RGPD8: variants seen among roughly 807,000 people sequenced by gnomAD.
RGPD8 encodes RANBP2-like and GRIP domain-containing protein 8.
RGPD8 carries 15 observed loss-of-function variants against 89.1 expected under a neutral mutation model. The ratio of observed to expected loss-of-function variants is 0.17; its 90% CI spans 0.11 to 0.26. The LOEUF is 0.26. RGPD8 is among the 10% of genes least tolerant of loss of function. The pLI is 1.00. For missense variants in RGPD8, 178 were observed against 1,179.6 expected (o/e 0.15, Z 12.44); for synonymous variants, 62 against 420.9 (o/e 0.15, Z 10.44).
intron 1 of RGPD8, among the ~76,000 whole-genome samples, chr2:112,427,716 T>A (rs1679835257): frequency 6.6e-6 from 1 of 151,222 alleles, no homozygotes. Flanking sequence ...CAAATGAATC[T>A]CCCTCCCCCT....
At chr2:112,420,149 A>G (rs1475337103) in intron 4 of RGPD8, among the ~76,000 whole-genome samples, 10 of 137,852 alleles carry the variant, frequency 7.3e-5, no homozygotes, top group East Asian at 4.1e-4. Flanking sequence ...CAGCATGGGC[A>G]ACAGAGCAAG....
At chr2:112,370,887 C>G (rs1410448903) in intron 22 of RGPD8, among the ~76,000 whole-genome samples, 9 of 151,832 alleles carry the variant, frequency 5.9e-5, no homozygotes, top group Non-Finnish European at 1.3e-4. Flanking sequence ...ACAATCTTAC[C>G]AGCACATAAG....
At chr2:112,433,121 A>G (rs1233700219) in intron 1 of RGPD8, among the ~76,000 whole-genome samples, 3 of 90,060 alleles carry the variant, frequency 3.3e-5, no homozygotes, top group Non-Finnish European at 5.0e-5. Flanking sequence ...CCCCTGACCC[A>G]TCGAGGCCGC....
chr2:112,428,342 G>A (rs1679867580), intron 1 of RGPD8, among the ~76,000 whole-genome samples: 1 of 149,914 alleles, frequency 6.7e-6, no homozygotes, highest in African/African-American at 2.5e-5. Context: ...TACTCGGGAG[G>A]CTGAGGCAGG....
At position 112,433,443 on chromosome 2, in the gene RGPD8, C is replaced by G. The variant is rs1237246354; in HGVS notation, c.11G>C (p.Ser4Thr). MRR[S>T]KADVERYVAS... ...GACGTACCGCTCCACATCGGCCTTG[C>G]TGCGCCTCATCGCGCCGCCAACCTG... is the stretch of plus-strand genomic sequence containing the variant. The change falls in exon 1 of 23, where the codon AGC becomes ACC. Residue 4 changes from serine to threonine, a missense_variant. Coordinates refer to ENST00000302558, the MANE Select transcript of RGPD8 (RefSeq NM_001164463.1). 1 of 1,608,612 alleles carries G rather than the reference C, an allele frequency of 6.2e-7. No individual in the cohort carries two copies. Among genetic ancestry groups the G allele is most frequent in the Non-Finnish European group, 8.5e-7 (1 of 1,178,540 alleles).
chr2:112,371,181 T>A (rs1205309968), intron 22 of RGPD8, among the ~76,000 whole-genome samples: 3 of 133,050 alleles, frequency 2.3e-5, no homozygotes, highest in Admixed American at 7.9e-5. Flanking sequence ...TTAAAAATCA[T>A]GTTTATTGAG....
chr2:112,390,057 C>T lies in RGPD8; in HGVS notation c.2888G>A (p.Gly963Asp). Residue 963 changes from glycine (G) to aspartate (D), a missense_variant, in exon 20 of 23, where the codon GGC becomes GAC. Coordinates refer to ENST00000302558, the MANE Select transcript of RGPD8 (RefSeq NM_001164463.1). Reference protein sequence around the residue: ...GRKKGRGVIFGQTSSTFTFAD... With the variant: ...GRKKGRGVIFDQTSSTFTFAD... ...AAATGTAAAAGTGCTACTTGTTTGG[C>T]CAAAAATCACACCACGGCCCTTCTT... 6.3e-7 allele frequency: 1 copy of T among 1,574,950 alleles called. No homozygotes were observed. Among genetic ancestry groups the T allele is most frequent in the East Asian group, 2.2e-5 (1 of 44,840 alleles).
rs1162971256 is a variant in RGPD8, at chr2:112,433,313, G to T, written c.72+69C>A. 6.4e-6 allele frequency: 9 copies of T among 1,401,682 alleles called. No homozygotes were observed. In the East Asian group the frequency reaches 3.1e-4, roughly 48 times the overall value. The allele number at this position is 1,401,682 out of a possible 1,614,324, so 86.8% of individuals were successfully genotyped here. The stretch of plus-strand genomic sequence containing the variant: ...TGACCCCTGACCCATCGAGGCCGCC[G>T]CCGGGCCGGGTCGAGGCCGCCGCCG... On this transcript the variant is annotated intron_variant, in intron 1 of 22. Coordinates refer to ENST00000302558, the MANE Select transcript of RGPD8 (RefSeq NM_001164463.1).
chr2:112,432,976 C>G (rs1237062929), intron 1 of RGPD8, among the ~76,000 whole-genome samples: 3 of 122,126 alleles, frequency 2.5e-5, no homozygotes, highest in Admixed American at 8.0e-5. Context: ...TCGAGGCCGC[C>G]GCCTCAACAG....
rs1679605767 is a variant in RGPD8, at chr2:112,422,644, G to A, written c.156C>T (p.Tyr52=). ...TGGGATCCCTCTCTTGCACATTAAT[G>A]TAAGTACATATGTATCTGTTTTTTA... ...YDLAKKYICT[Y]INVQERDPKA... Residue 52 remains tyrosine (Y), a synonymous_variant, in exon 3 of 23, where the codon TAC becomes TAT. Coordinates refer to ENST00000302558, the MANE Select transcript of RGPD8 (RefSeq NM_001164463.1). The A allele has an allele frequency of 6.3e-7, 1 of 1,598,662 alleles. No homozygotes were observed. The highest frequency in any genetic ancestry group is 8.5e-7 in the Non-Finnish European group (1 of 1,173,968).
At position 112,423,986 on chromosome 2, in the gene RGPD8, T is replaced by G. The variant is rs564150544; in HGVS notation, c.140+254A>C. On this transcript the variant is annotated intron_variant, in intron 2 of 22. Transcript: ENST00000302558. ...TCTTTTACTCCAACAGAAGACAATT[T>G]TTAGAAAAAGTGTTTTAAGCCAAAC... Among the ~76,000 whole-genome samples, 120 of 152,328 alleles carry G rather than the reference T, an allele frequency of 7.9e-4. No homozygotes were observed. In the East Asian group the frequency reaches 0.02, roughly 25 times the overall value.
At position 112,380,899 on chromosome 2, in the gene RGPD8, T is replaced by G. The variant is rs1173285813; in HGVS notation, c.4986A>C (p.Thr1662=). Residue 1662 remains threonine (T), a synonymous_variant, in exon 21 of 23, where the codon ACA becomes ACC. Transcript: ENST00000302558. ...GGCCGTTTAAGTGATCTGCACTTTT[T>G]GTGGTGGAACGGAGCTTCTGAACCA... The part of the protein sequence containing the change: ...EELVQKLRST[T]KSADHLNGLL... 29 of 1,302,014 alleles carry G rather than the reference T, an allele frequency of 2.2e-5. 1 individual carries two copies. The highest frequency in any genetic ancestry group is 3.1e-5 in the Non-Finnish European group (29 of 924,410). 80.7% of individuals were successfully genotyped at this position (1,302,014 alleles called of 1,614,324 possible). A position where few individuals can be genotyped will look rare whatever the true frequency, so the allele number is the denominator to read the frequency against.
intron 1 of RGPD8, 30 bp from the exon 2 acceptor site, chr2:112,424,337 T>G: frequency 6.3e-7 from 1 of 1,593,224 alleles, no homozygotes; most frequent in Non-Finnish European, 8.5e-7. Context: ...TGTTTTATGT[T>G]TCATACAGAA....
intron 6 of RGPD8, among the ~76,000 whole-genome samples, chr2:112,416,237 T>C (rs1477196459): frequency 6.6e-6 from 1 of 152,262 alleles, no homozygotes; most frequent in Non-Finnish European, 1.5e-5. Context: ...CTACATGTTT[T>C]CTAAAATAAT....
At chr2:112,371,021 A>G (rs1438265942) in intron 22 of RGPD8, among the ~76,000 whole-genome samples, 1 of 151,050 alleles carries the variant, frequency 6.6e-6, no homozygotes, top group Non-Finnish European at 1.5e-5. Context: ...TAAAATTTCC[A>G]GCACAACTAA....
At chr2:112,424,477 T>C (rs1053577377) in intron 1 of RGPD8, among the ~76,000 whole-genome samples, 170 bp from the exon 2 acceptor site, 33 of 152,302 alleles carry the variant, frequency 2.2e-4, no homozygotes, top group Non-Finnish European at 3.7e-4. Context: ...CCCAGCACTT[T>C]GGGAGGCCGA....
intron 7 of RGPD8, among the ~76,000 whole-genome samples, chr2:112,410,907 G>A (rs1394999229): frequency 1.3e-5 from 2 of 152,284 alleles, no homozygotes; most frequent in Admixed American, 1.3e-4. Context: ...CCAACATGGA[G>A]AAACCTCGTC....
At chr2:112,425,247 C>T (rs1378450971) in intron 1 of RGPD8, among the ~76,000 whole-genome samples, 3 of 149,994 alleles carry the variant, frequency 2.0e-5, no homozygotes, top group Non-Finnish European at 4.5e-5. Context: ...ATCTCTTCTC[C>T]TACCATGTGT....
intron 1 of RGPD8, among the ~76,000 whole-genome samples, chr2:112,430,861 G>A (rs1679998325): frequency 6.6e-6 from 1 of 152,144 alleles, no homozygotes; most frequent in South Asian, 2.1e-4. Flanking sequence ...GGAGGCTAAG[G>A]TGGGAGGACG....
Sources: gnomAD v4.1 joint callset for allele counts (sites outside exome capture counted in the v4.1 genomes callset) on GRCh38, gnomAD v4.1.1 for gene constraint, MANE v1.5 for transcripts, NCBI Gene and HGNC (gene_info 2026-07-23, HGNC 2026-07-21) for gene names.